The following SUSD1 variants were observed in gnomAD, a reference collection of about 807,000 sequenced individuals.
The protein encoded by SUSD1 is sushi domain-containing protein 1.
Under a neutral mutation model 86.9 loss-of-function variants are expected in SUSD1, and 65 were observed. That is an observed-to-expected ratio of 0.75 (90% CI 0.61 to 0.92). The LOEUF (loss-of-function observed/expected upper bound fraction) is 0.92. SUSD1 is among the 40% of genes least tolerant of loss of function. The pLI, the probability that SUSD1 is intolerant of heterozygous loss-of-function variation, is 0.00. For missense variants in SUSD1, 850 were observed against 929.7 expected, an observed-to-expected ratio of 0.91 and a Z score of 1.11; for synonymous variants, 346 against 350.0, an observed-to-expected ratio of 0.99 and a Z score of 0.13.
At chr9:112,064,092 T>C (rs1378675312) in intron 12 of SUSD1, among the ~76,000 whole-genome samples, 1 of 151,910 alleles carries the variant, frequency 6.6e-6, no homozygotes, top group East Asian at 1.9e-4. Flanking sequence ...ACAGGTGATT[T>C]CCCACCTCCC....
Position 112,138,508 on chromosome 9 carries a change from G to C in SUSD1, c.706+3812C>G, listed in dbSNP as rs1436722091. On this transcript the variant is annotated intron_variant, in intron 5 of 16. Coordinates refer to ENST00000374270, the MANE Select transcript of SUSD1 (RefSeq NM_022486.5). ...GAGTCTTGCTGTGTCACCCAGGTTG[G>C]AGTGCAGTGGCACAATCTCAGCTCA... Among the ~76,000 whole-genome samples the C allele has an allele frequency of 2.0e-5, 3 of 149,788 alleles. No individual in the cohort carries two copies. The Admixed American group carries it at 2.0e-4, about 10-fold the overall frequency.
At chr9:112,170,876 AT>A (rs1180720602) in intron 1 of SUSD1, among the ~76,000 whole-genome samples, 5 of 151,460 alleles carry the variant, frequency 3.3e-5, no homozygotes, top group Non-Finnish European at 5.9e-5. Flanking sequence ...GGCCCGGCCA[AT>A]TTTTTTTGTA....
chr9:112,108,440 C>T (rs757760210), intron 8 of SUSD1, among the ~76,000 whole-genome samples: 2 of 151,532 alleles, frequency 1.3e-5, no homozygotes, highest in Non-Finnish European at 2.9e-5. Flanking sequence ...ATGGGCTGTG[C>T]ACCGTGACTC....
At chr9:112,156,286 A>G (rs1207385251) in intron 2 of SUSD1, among the ~76,000 whole-genome samples, 3 of 152,124 alleles carry the variant, frequency 2.0e-5, no homozygotes, top group Non-Finnish European at 4.4e-5. Flanking sequence ...ACATGGTGAA[A>G]CCCAGTCTCT....
intron 13 of SUSD1, among the ~76,000 whole-genome samples, chr9:112,059,721 C>G (rs1400785949): frequency 6.6e-6 from 1 of 152,134 alleles, no homozygotes; most frequent in Non-Finnish European, 1.5e-5. Flanking sequence ...TTTGTCCCAT[C>G]AAATAGAAAG....
chr9:112,168,298 T>A lies in SUSD1; in HGVS notation c.103+6835A>T, dbSNP rs552760815. Among the ~76,000 whole-genome samples the A allele has an allele frequency of 2.1e-4, 32 of 152,350 alleles. No homozygotes were observed. The South Asian group carries it at 6.2e-3, about 30-fold the overall frequency. On this transcript the variant is annotated intron_variant, in intron 1 of 16. Transcript: ENST00000374270. ...ACTGATGCAAAAATCAAGAGCGGTA[T>A]CTTTGTGCATTCAGGTGTCTACCCA...
intron 12 of SUSD1, among the ~76,000 whole-genome samples, chr9:112,072,721 G>A (rs1321271260): frequency 6.6e-6 from 1 of 152,206 alleles, no homozygotes; most frequent in African/African-American, 2.4e-5. Flanking sequence ...GAGATTTCTG[G>A]GAATGAGAGA....
At chr9:112,117,946 C>T in intron 6 of SUSD1, among the ~76,000 whole-genome samples, 1 of 152,096 alleles carries the variant, frequency 6.6e-6, no homozygotes, top group Admixed American at 6.6e-5. Context: ...TGCCTGGTTT[C>T]CCCCCAGTAG....
chr9:112,055,746 G>A (rs1828419086), intron 14 of SUSD1, among the ~76,000 whole-genome samples: 1 of 152,140 alleles, frequency 6.6e-6, no homozygotes, highest in Non-Finnish European at 1.5e-5. Context: ...CCAAAAGGTG[G>A]AAAATATCCC....
intron 14 of SUSD1, among the ~76,000 whole-genome samples, chr9:112,054,996 A>G (rs1828385508): frequency 6.6e-6 from 1 of 152,228 alleles, no homozygotes; most frequent in African/African-American, 2.4e-5. Flanking sequence ...CAAAAACAAA[A>G]ACAACCCAAT....
In SUSD1 at chr9:112,041,385, T is replaced by G; in HGVS notation, c.*107A>C. 1 of 772,092 alleles carries G rather than the reference T, an allele frequency of 1.3e-6. No individual in the cohort carries two copies. The allele number at this position is 772,092 out of a possible 1,614,324, so 47.8% of individuals were successfully genotyped here. A position where few individuals can be genotyped will look rare whatever the true frequency, so the allele number is the denominator to read the frequency against. On this transcript the variant is annotated 3_prime_UTR_variant, in exon 17 of 17. Coordinates refer to ENST00000374270, the MANE Select transcript of SUSD1 (RefSeq NM_022486.5). ...GAATGGAGAAAGTTGCAGGCCCACA[T>G]GCTCCCTGGACGGAAGTCACACGGA...
chr9:112,082,442 AAG>A (rs1325241455), intron 10 of SUSD1, among the ~76,000 whole-genome samples: 1 of 152,196 alleles, frequency 6.6e-6, no homozygotes, highest in African/African-American at 2.4e-5. Flanking sequence ...ACATCCTTAT[AAG>A]AGAGCAACAA....
At chr9:112,065,498 C>G (rs1828938931) in intron 12 of SUSD1, among the ~76,000 whole-genome samples, 1 of 152,142 alleles carries the variant, frequency 6.6e-6, no homozygotes. Context: ...GCACTCCAGC[C>G]TGGGCGAAAA....
chr9:112,096,123 G>A (rs1045594360), intron 10 of SUSD1, among the ~76,000 whole-genome samples: 1 of 152,114 alleles, frequency 6.6e-6, no homozygotes, highest in Non-Finnish European at 1.5e-5. Context: ...CTGAACTATG[G>A]CATGCTACAT....
rs35217040 is a variant in SUSD1, at chr9:112,113,785, A to C, written c.887-917T>G. Among the ~76,000 whole-genome samples the C allele has an allele frequency of 0.1, 15,181 of 152,060 alleles. 1,042 individuals carry two copies. The highest frequency in any genetic ancestry group is 0.15 in the Non-Finnish European group (10,448 of 67,974). On this transcript the variant is annotated intron_variant, in intron 6 of 16. Coordinates refer to ENST00000374270, the MANE Select transcript of SUSD1 (RefSeq NM_022486.5). This position sits in a 1 kb window ranked among gnomAD's most constrained non-coding sequence, Gnocchi z 4.1. The stretch of plus-strand genomic sequence containing the variant: ...CATCTCTACTAAAAATACAAAACTT[A>C]GCGGTGCACGGTGGCACATGCCTGT...
rs115093125 is a variant in SUSD1 at position 112,110,495 on chromosome 9, T to C, written c.1171+1159A>G. Among the ~76,000 whole-genome samples the C allele has an allele frequency of 6.5e-3, 919 of 142,296 alleles. 12 individuals are homozygous for C. The highest frequency in any genetic ancestry group is 0.022 in the African/African-American group (873 of 39,402). The allele number at this position is 142,296 out of a possible 152,430, so 93.4% of individuals were successfully genotyped here. On this transcript the variant is annotated intron_variant, in intron 8 of 16. Coordinates refer to ENST00000374270, the MANE Select transcript of SUSD1 (RefSeq NM_022486.5). ...CACTGCAGCCTTGAACAAGTGATCC[T>C]CTCGCCTCAGCCACCCGAGTAACTG...
At chr9:112,068,751 C>T (rs1829110784) in intron 12 of SUSD1, among the ~76,000 whole-genome samples, 1 of 150,614 alleles carries the variant, frequency 6.6e-6, no homozygotes, top group African/African-American at 2.4e-5. Context: ...AAAAATACAA[C>T]TTAGAGAGCT....
At chr9:112,109,054 T>C (rs1442898007) in intron 8 of SUSD1, among the ~76,000 whole-genome samples, 1 of 152,142 alleles carries the variant, frequency 6.6e-6, no homozygotes, top group Non-Finnish European at 1.5e-5. Flanking sequence ...TAAGCAAATA[T>C]TCCATATGCC....
intron 15 of SUSD1, among the ~76,000 whole-genome samples, chr9:112,045,439 C>T (rs1313735201): frequency 6.6e-6 from 1 of 152,192 alleles, no homozygotes; most frequent in Non-Finnish European, 1.5e-5. Flanking sequence ...CTGTGCATAG[C>T]CATTCAGCTT....
Sources: gnomAD v4.1 joint callset for allele counts (sites outside exome capture counted in the v4.1 genomes callset) on GRCh38, gnomAD v4.1.1 for gene constraint, Gnocchi (gnomAD v3.1) non-coding constraint, MANE v1.5 for transcripts, NCBI Gene and HGNC (gene_info 2026-07-23, HGNC 2026-07-21) for gene names.